Variants in CEP43 observed in about 807,000 individuals in gnomAD.
CEP43 encodes FGFR1 oncogene partner.
In CEP43, 36 loss-of-function variants were observed where a neutral mutation model predicts 52.6. That is an observed-to-expected ratio of 0.68 (90% CI 0.52 to 0.90). CEP43 has a LOEUF of 0.90. CEP43 is among the 40% of genes least tolerant of loss of function. The pLI, the probability that CEP43 is intolerant of heterozygous loss-of-function variation, is 0.00. For synonymous variants in CEP43, 192 were observed against 172.4 expected, an observed-to-expected ratio of 1.11 and a Z score of -0.89; for missense variants, 506 against 472.8, an observed-to-expected ratio of 1.07 and a Z score of -0.65.
rs1393113636 is a variant in CEP43, at chr6:167,049,538, C to T, written c.*9560C>T. ...GAGTCATCTGTGTTGTAGCATTTGT[C>T]AGTACTTCATTTATTTTTGTTTCCT... On this transcript the variant is annotated 3_prime_UTR_variant, in exon 13 of 13. Coordinates refer to ENST00000366847, the MANE Select transcript of CEP43 (RefSeq NM_007045.4). The T allele has an allele frequency of 6.6e-6, 1 of 152,176 alleles. No homozygotes were observed. Among genetic ancestry groups the T allele is most frequent in the Admixed American group, 6.5e-5 (1 of 15,270 alleles). The allele number at this position is 152,176 out of a possible 1,614,324, so 9.4% of individuals were successfully genotyped here. A position where few individuals can be genotyped will look rare whatever the true frequency, so the allele number is the denominator to read the frequency against.
intron 11 of CEP43, 73 bp downstream of exon 11, chr6:167,032,715 A>G: frequency 1.5e-6 from 2 of 1,326,078 alleles, no homozygotes; most frequent in Non-Finnish European, 2.1e-6. Context: ...CAGACAAGAC[A>G]AAATTACATT....
chr6:167,008,043 G>A (rs541103992), intron 5 of CEP43, among the ~76,000 whole-genome samples: 1 of 151,580 alleles, frequency 6.6e-6, no homozygotes, highest in Admixed American at 6.6e-5. Flanking sequence ...CTGCACTGCC[G>A]ACTCAGGAGT....
chr6:167,007,232 T>G (rs1234020801), intron 5 of CEP43, among the ~76,000 whole-genome samples: 2 of 152,194 alleles, frequency 1.3e-5, no homozygotes, highest in African/African-American at 4.8e-5. Flanking sequence ...TGAGACCCAG[T>G]AGCATGCCTG....
At chr6:167,031,630 T>A (rs1371812117) in intron 10 of CEP43, among the ~76,000 whole-genome samples, 1 of 152,132 alleles carries the variant, frequency 6.6e-6, no homozygotes, top group African/African-American at 2.4e-5. Flanking sequence ...GCCCGCAGGG[T>A]CTTTGAACGG....
Position 167,044,317 on chromosome 6 carries a change from C to T in CEP43, c.*4339C>T. ...GATTTTTGACTAAAAAATTGTTGGC[C>T]TAAGATAATTCAGTAGCAGGGCTGA... On this transcript the variant is annotated 3_prime_UTR_variant, in exon 13 of 13. Coordinates refer to ENST00000366847, the MANE Select transcript of CEP43 (RefSeq NM_007045.4). 1 of 812,658 alleles carries T rather than the reference C, an allele frequency of 1.2e-6. No individual in the cohort carries two copies. Among genetic ancestry groups the T allele is most frequent in the Non-Finnish European group, 1.5e-6 (1 of 672,106 alleles). The allele number at this position is 812,658 out of a possible 1,614,324, so 50.3% of individuals were successfully genotyped here.
intron 5 of CEP43, 148 bp downstream of exon 5, chr6:167,004,549 A>G (rs553236582): frequency 1.5e-5 from 9 of 595,342 alleles, no homozygotes; most frequent in African/African-American, 3.8e-5. Context: ...GATTGTATCA[A>G]TGCAAATTTT....
chr6:167,016,115 T>C (rs528767088), intron 7 of CEP43, among the ~76,000 whole-genome samples: 52 of 152,250 alleles, frequency 3.4e-4, no homozygotes, highest in African/African-American at 1.2e-3. Context: ...TGATAGGCCC[T>C]ACTAGCTTAG....
At chr6:167,002,232 T>A (rs973666836) in intron 2 of CEP43, among the ~76,000 whole-genome samples, 2 of 152,166 alleles carry the variant, frequency 1.3e-5, no homozygotes, top group Non-Finnish European at 2.9e-5. Context: ...AAGAATTATA[T>A]AAATGGAATC....
chr6:167,003,303 C>A, intron 3 of CEP43, 56 bp downstream of exon 3: 2 of 969,062 alleles, frequency 2.1e-6, no homozygotes, highest in Non-Finnish European at 3.1e-6. Context: ...AATCTTGATA[C>A]CATTTGGGAG....
rs1272557235 is a variant in CEP43, at chr6:167,049,484, G to T, written c.*9506G>T. ...TACACTATGTGGCCTTTTATGACTG[G>T]CTTCTTTCACTTAGCATAATGTTTT... is the stretch of plus-strand genomic sequence containing the variant. On this transcript the variant is annotated 3_prime_UTR_variant, in exon 13 of 13. Transcript: ENST00000366847. 1 of 152,170 alleles carries T rather than the reference G, an allele frequency of 6.6e-6. No homozygotes were observed. Among genetic ancestry groups the T allele is most frequent in the African/African-American group, 2.4e-5 (1 of 41,434 alleles). The allele number at this position is 152,170 out of a possible 1,614,324, so 9.4% of individuals were successfully genotyped here.
In CEP43 at chr6:167,007,615, A is replaced by G. The variant is rs1779885195; in HGVS notation, c.439-3198A>G. On this transcript the variant is annotated intron_variant, in intron 5 of 12. Transcript: ENST00000366847. ...TAGTGTTTTCTATTACTTTGGAAGA[A>G]AACCTGTTGTTTATAATGAAATAAA... Among the ~76,000 whole-genome samples the G allele has an allele frequency of 2.0e-5, 3 of 152,322 alleles. No homozygotes were observed. The South Asian group carries it at 6.2e-4, about 32-fold the overall frequency.
At chr6:167,016,196 G>A (rs1208076986) in intron 7 of CEP43, among the ~76,000 whole-genome samples, 4 of 152,044 alleles carry the variant, frequency 2.6e-5, no homozygotes, top group Non-Finnish European at 5.9e-5. Flanking sequence ...AGAATTAGTT[G>A]CTCTTTATCA....
At chr6:167,025,017 C>G (rs1433151041) in intron 9 of CEP43, 123 bp downstream of exon 9, 39 of 631,380 alleles carry the variant, frequency 6.2e-5, no homozygotes. Context: ...TTTTATCACT[C>G]AGAGATATTT....
Position 167,048,012 on chromosome 6 carries a change from C to T in CEP43, c.*8034C>T, listed in dbSNP as rs1199911420. ...AATAACAGACAAGCTTTAACTCACA[C>T]GATGAGCATCTTTATTTAGCTCTGC... On this transcript the variant is annotated 3_prime_UTR_variant, in exon 13 of 13. Coordinates refer to ENST00000366847, the MANE Select transcript of CEP43 (RefSeq NM_007045.4). 16 of 152,220 alleles carry T rather than the reference C, an allele frequency of 1.1e-4. No individual in the cohort carries two copies. The highest frequency in any genetic ancestry group is 1.5e-5 in the Non-Finnish European group (1 of 68,044). 9.4% of individuals were successfully genotyped at this position (152,220 alleles called of 1,614,324 possible).
chr6:167,017,208 G>C (rs1317048004), intron 7 of CEP43, among the ~76,000 whole-genome samples: 2 of 152,048 alleles, frequency 1.3e-5, no homozygotes, highest in East Asian at 3.9e-4. Context: ...TGTTAGCTAG[G>C]ATGGTCTTGA....
intron 7 of CEP43, among the ~76,000 whole-genome samples, chr6:167,016,990 ATT>A (rs60484474): frequency 4.0e-5 from 6 of 148,648 alleles, no homozygotes; most frequent in Admixed American, 6.7e-5. Context: ...TTATTTATTT[ATT>A]TTTTTTTTTT....
intron 5 of CEP43, among the ~76,000 whole-genome samples, chr6:167,006,618 A>G (rs1055821077): frequency 2.6e-5 from 4 of 152,248 alleles, no homozygotes; most frequent in African/African-American, 9.6e-5. Flanking sequence ...TAAGTTAGAC[A>G]CGATTTGAAG....
intron 10 of CEP43, chr6:167,028,055 T>TA (rs143671584): frequency 0.016 from 15,677 of 985,596 alleles, 179 homozygotes; most frequent in East Asian, 0.09. Context: ...TGGTTGCCAT[T>TA]AGATGTTCTT....
chr6:167,040,102 A>G lies in CEP43; in HGVS notation c.*124A>G. The stretch of plus-strand genomic sequence containing the variant: ...TATTGGTGCCTTGCATTTCAAAAAC[A>G]CTGCAGATATTTTTTAAAAGTAATT... On this transcript the variant is annotated 3_prime_UTR_variant, in exon 13 of 13. Coordinates refer to ENST00000366847, the MANE Select transcript of CEP43 (RefSeq NM_007045.4). 1 of 1,595,536 alleles carries G rather than the reference A, an allele frequency of 6.3e-7. No individual in the cohort carries two copies. The highest frequency in any genetic ancestry group is 8.5e-7 in the Non-Finnish European group (1 of 1,170,068).
Sources: gnomAD v4.1 joint callset for allele counts (sites outside exome capture counted in the v4.1 genomes callset) on GRCh38, gnomAD v4.1.1 for gene constraint, MANE v1.5 for transcripts, NCBI Gene and HGNC (gene_info 2026-07-23, HGNC 2026-07-21) for gene names.